The following HTR2C variants were observed in gnomAD, a reference collection of about 807,000 sequenced individuals.
HTR2C encodes the protein 5-hydroxytryptamine (serotonin) receptor 2C, G protein-coupled.
In HTR2C, 5 loss-of-function variants were observed where a neutral mutation model predicts 21.0. The observed-to-expected ratio is 0.24, with a 90% CI of 0.12 to 0.50. HTR2C has a LOEUF of 0.50. Ranked by LOEUF, HTR2C falls within the 20% of genes least tolerant of loss-of-function variation. The pLI is 0.98. For synonymous variants in HTR2C, 150 were observed against 145.3 expected (o/e 1.03, Z -0.23); for missense variants, 271 against 371.2 (o/e 0.73, Z 2.22).
At chrX:114,641,914 A>G (rs1423715025) in intron 2 of HTR2C, among the ~76,000 whole-genome samples, 2 of 110,600 alleles carry the variant, frequency 1.8e-5, no homozygotes, top group African/African-American at 6.6e-5. Flanking sequence ...CCCGGCAAAA[A>G]GCCCCAGTGT....
At chrX:114,760,878 T>C (rs192769512) in intron 4 of HTR2C, among the ~76,000 whole-genome samples, 1 of 111,405 alleles carries the variant, frequency 9.0e-6, no homozygotes, top group African/African-American at 3.3e-5. Flanking sequence ...TATTTATAAT[T>C]CATTTGCAAC....
chrX:114,593,769 T>C (rs1370729631), intron 1 of HTR2C, among the ~76,000 whole-genome samples: 1 of 111,890 alleles, frequency 8.9e-6, no homozygotes, highest in African/African-American at 3.2e-5. Context: ...GGATGGTTAC[T>C]GAGATAATTT....
intron 2 of HTR2C, among the ~76,000 whole-genome samples, chrX:114,647,101 A>G (rs1437724269): frequency 9.0e-6 from 1 of 111,388 alleles, no homozygotes; most frequent in African/African-American, 3.3e-5. Context: ...ACGGGGAAAG[A>G]ACAGTTGTTG....
At chrX:114,817,748 A>G (rs1379201382) in intron 4 of HTR2C, among the ~76,000 whole-genome samples, 2 of 111,276 alleles carry the variant, frequency 1.8e-5, no homozygotes, top group Non-Finnish European at 3.8e-5. Flanking sequence ...GAGAATTTTC[A>G]TTATTTGACT....
chrX:114,834,132 A>G (rs1251468429), intron 4 of HTR2C, among the ~76,000 whole-genome samples: 1 of 109,474 alleles, frequency 9.1e-6, no homozygotes, highest in Non-Finnish European at 1.9e-5. Flanking sequence ...TATGTGGTCA[A>G]TTTTGGAATA....
intron 5 of HTR2C, among the ~76,000 whole-genome samples, chrX:114,869,087 C>T (rs963129326): frequency 9.1e-6 from 1 of 110,475 alleles, no homozygotes; most frequent in Non-Finnish European, 1.9e-5. Context: ...TGAGAACATG[C>T]GGTGTTTGGT....
chrX:114,806,092 A>G, intron 4 of HTR2C, among the ~76,000 whole-genome samples: 1 of 101,313 alleles, frequency 9.9e-6, no homozygotes, highest in East Asian at 3.2e-4. Context: ...TATATACCAC[A>G]TATATACACC....
chrX:114,670,825 C>T lies in HTR2C; in HGVS notation c.-79-56033C>T, dbSNP rs187605690. 1.8e-3 allele frequency among the ~76,000 whole-genome samples: 197 copies of T among 111,631 alleles called. 1 individual carries two copies. Among genetic ancestry groups the T allele is most frequent in the African/African-American group, 6.2e-3 (190 of 30,799 alleles). On this transcript the variant is annotated intron_variant, in intron 2 of 5. Transcript: ENST00000276198. ...TGTGTTTGCCTTTAGGCAGTTTGCC[C>T]GAATAAAAAATATTCAAGAGCAAAT...
chrX:114,690,198 C>T (rs1418571520), intron 2 of HTR2C, among the ~76,000 whole-genome samples: 2 of 111,431 alleles, frequency 1.8e-5, no homozygotes, highest in East Asian at 5.7e-4. Flanking sequence ...AGTGACAGTT[C>T]TTGACTTTTG....
intron 2 of HTR2C, among the ~76,000 whole-genome samples, chrX:114,700,871 C>T (rs1932451346): frequency 8.9e-6 from 1 of 112,522 alleles, no homozygotes; most frequent in African/African-American, 3.2e-5. Flanking sequence ...CTGCGCTTTT[C>T]CGACGGGCTT....
chrX:114,896,457 A>G (rs1006955594), intron 5 of HTR2C, among the ~76,000 whole-genome samples: 1 of 112,245 alleles, frequency 8.9e-6, no homozygotes, highest in Non-Finnish European at 1.9e-5. Context: ...AAAAATGCCA[A>G]TGATGATTGT....
intron 4 of HTR2C, among the ~76,000 whole-genome samples, chrX:114,802,418 G>A (rs1336668299): frequency 9.0e-6 from 1 of 111,170 alleles, no homozygotes; most frequent in Non-Finnish European, 1.9e-5. Context: ...CCATTTCCTG[G>A]CACTCATATT....
chrX:114,605,267 G>T (rs1313550578), intron 1 of HTR2C, among the ~76,000 whole-genome samples: 1 of 112,265 alleles, frequency 8.9e-6, no homozygotes, highest in East Asian at 2.8e-4. Context: ...GCCGGACCAG[G>T]TGTGAGGAGG....
chrX:114,897,545 C>T (rs782375187), intron 5 of HTR2C, among the ~76,000 whole-genome samples: 1 of 111,543 alleles, frequency 9.0e-6, no homozygotes, highest in Non-Finnish European at 1.9e-5. Context: ...AGCTATTCTT[C>T]CTAATGCCCT....
At chrX:114,607,410 C>T (rs182220372) in intron 1 of HTR2C, among the ~76,000 whole-genome samples, 7 of 111,416 alleles carry the variant, frequency 6.3e-5, no homozygotes, top group Non-Finnish European at 9.4e-5. Flanking sequence ...TATGGTACAA[C>T]GTTAAGATCA....
At chrX:114,614,477 C>T (rs1374076576) in intron 2 of HTR2C, among the ~76,000 whole-genome samples, 2 of 110,430 alleles carry the variant, frequency 1.8e-5, no homozygotes, top group Non-Finnish European at 3.8e-5. Flanking sequence ...CCAAGCTGGT[C>T]TCGAACTCCT....
At chrX:114,787,331 A>G (rs782326266) in intron 4 of HTR2C, among the ~76,000 whole-genome samples, 1 of 112,180 alleles carries the variant, frequency 8.9e-6, no homozygotes, top group African/African-American at 3.2e-5. Flanking sequence ...ATTTTCATGC[A>G]GAAAAATATC....
In HTR2C at chrX:114,909,706, A is replaced by G. The variant is rs2071400495; in HGVS notation, c.*2291A>G. 8.9e-6 allele frequency: 1 copy of G among 112,447 alleles called. No homozygotes were observed. The highest frequency in any genetic ancestry group is 1.9e-5 in the Non-Finnish European group (1 of 53,222). 9.3% of individuals were successfully genotyped at this position (112,447 alleles called of 1,213,427 possible). A position where few individuals can be genotyped will look rare whatever the true frequency, so the allele number is the denominator to read the frequency against. ...GGTAATTATCCTCAAGTTGTGTGCT[A>G]TTCGTAAGTTCTGTGCAGTTTGGTA... is the stretch of plus-strand genomic sequence containing the variant. On this transcript the variant is annotated 3_prime_UTR_variant, in exon 6 of 6. Coordinates refer to ENST00000276198, the MANE Select transcript of HTR2C (RefSeq NM_000868.4).
At chrX:114,634,850 A>T (rs1929780904) in intron 2 of HTR2C, among the ~76,000 whole-genome samples, 1 of 111,810 alleles carries the variant, frequency 8.9e-6, no homozygotes, top group African/African-American at 3.2e-5. Context: ...TCTGCAACTT[A>T]TCATTATTTT....
Sources: gnomAD v4.1 joint callset for allele counts (sites outside exome capture counted in the v4.1 genomes callset) on GRCh38, gnomAD v4.1.1 for gene constraint, MANE v1.5 for transcripts, NCBI Gene and HGNC (gene_info 2026-07-23, HGNC 2026-07-21) for gene names.